The following NRXN1 variants were observed in gnomAD, a reference collection of about 807,000 sequenced individuals.
The protein encoded by NRXN1 is neurexin-1.
Under a neutral mutation model 150.9 loss-of-function variants are expected in NRXN1, and 39 were observed. That is an observed-to-expected ratio of 0.26 (90% CI 0.20 to 0.34). NRXN1 has a LOEUF of 0.34. NRXN1 is among the 10% of genes least tolerant of loss of function. NRXN1 has a pLI of 1.00. For missense variants in NRXN1, 1,815 were observed against 1,949.9 expected (o/e 0.93, Z 1.30); for synonymous variants, 924 against 757.0 (o/e 1.22, Z -3.62).
In NRXN1 at chr2:51,027,496, C is replaced by G. The variant is rs777461875; in HGVS notation, c.772+6G>C. Reference sequence around the variant, plus strand: ...CGGCCCCCGTGGGTCGGGCGTCGGGCCTTACCTTGGCTGCAGTCCTTGCCG... The same window carrying G: ...CGGCCCCCGTGGGTCGGGCGTCGGGGCTTACCTTGGCTGCAGTCCTTGCCG... On this transcript the variant is annotated splice_donor_region_variant and intron_variant, in intron 2 of 22. Transcript: ENST00000401669. 9 of 1,520,254 alleles carry G rather than the reference C, an allele frequency of 5.9e-6. No homozygotes were observed. The highest frequency in any genetic ancestry group is 1.9e-4 in the Middle Eastern group (1 of 5,348). 94.2% of individuals were successfully genotyped at this position (1,520,254 alleles called of 1,614,324 possible).
chr2:50,511,622 T>G (rs2092455427), intron 12 of NRXN1, among the ~76,000 whole-genome samples: 1 of 152,184 alleles, frequency 6.6e-6, no homozygotes, highest in African/African-American at 2.4e-5. Context: ...CAGTGTAAAT[T>G]GAGTGTTCTT....
chr2:50,225,978 T>A (rs1197393661), intron 18 of NRXN1, among the ~76,000 whole-genome samples: 1 of 152,000 alleles, frequency 6.6e-6, no homozygotes, highest in Non-Finnish European at 1.5e-5. Flanking sequence ...TTTGACTTCA[T>A]AAAACTTCAT....
At chr2:50,883,278 A>G (rs1679727983) in intron 5 of NRXN1, among the ~76,000 whole-genome samples, 1 of 151,758 alleles carries the variant, frequency 6.6e-6, no homozygotes, top group Non-Finnish European at 1.5e-5. Flanking sequence ...CATATAAGCT[A>G]ATTTTCTCTT....
chr2:50,267,542 A>C (rs553705715), intron 17 of NRXN1, among the ~76,000 whole-genome samples: 1 of 152,304 alleles, frequency 6.6e-6, no homozygotes, highest in Non-Finnish European at 1.5e-5. Flanking sequence ...AGAAGGATGA[A>C]GCTGCTTGCA....
chr2:50,907,122 C>T (rs1683815001), intron 5 of NRXN1, among the ~76,000 whole-genome samples: 2 of 151,410 alleles, frequency 1.3e-5, no homozygotes, highest in Admixed American at 1.3e-4. Flanking sequence ...TGAAGACTCT[C>T]ATTGCCCTAT....
intron 21 of NRXN1, among the ~76,000 whole-genome samples, chr2:49,964,816 G>A (rs1003460372): frequency 1.3e-5 from 2 of 152,092 alleles, no homozygotes; most frequent in African/African-American, 4.8e-5. Flanking sequence ...ACTCCAGCCT[G>A]GGCAACAAAA....
At chr2:50,069,288 A>T (rs1210716175) in intron 19 of NRXN1, among the ~76,000 whole-genome samples, 1 of 152,162 alleles carries the variant, frequency 6.6e-6, no homozygotes, top group Admixed American at 6.6e-5. Flanking sequence ...ACAGGAGTGG[A>T]TGCTGCTTGA....
intron 18 of NRXN1, among the ~76,000 whole-genome samples, chr2:50,153,311 T>C (rs560996342): frequency 4.0e-4 from 61 of 151,782 alleles, no homozygotes; most frequent in African/African-American, 1.4e-3. Flanking sequence ...TCTAGTAAGT[T>C]TGCCATCTGG....
chr2:50,944,507 C>T (rs1260717809), intron 2 of NRXN1, among the ~76,000 whole-genome samples: 1 of 152,166 alleles, frequency 6.6e-6, no homozygotes, highest in African/African-American at 2.4e-5. Flanking sequence ...CACCCAAATA[C>T]TTTCCTACTT....
chr2:50,456,867 C>T (rs966621919), intron 17 of NRXN1, among the ~76,000 whole-genome samples: 14 of 152,020 alleles, frequency 9.2e-5, no homozygotes, highest in Non-Finnish European at 1.8e-4. Flanking sequence ...CTTTCTGCCT[C>T]AACAACTGTA....
At chr2:50,729,023 G>T (rs1210154498) in intron 5 of NRXN1, among the ~76,000 whole-genome samples, 1 of 151,980 alleles carries the variant, frequency 6.6e-6, no homozygotes, top group Non-Finnish European at 1.5e-5. Context: ...TGCATCAAAA[G>T]AATAATATTA....
intron 18 of NRXN1, among the ~76,000 whole-genome samples, chr2:50,229,420 T>G (rs1253597669): frequency 1.3e-5 from 2 of 152,060 alleles, no homozygotes; most frequent in Non-Finnish European, 2.9e-5. Context: ...TTCTTAACCC[T>G]CAAGCAATGT....
At chr2:50,866,824 A>G (rs1373638585) in intron 5 of NRXN1, among the ~76,000 whole-genome samples, 1 of 151,938 alleles carries the variant, frequency 6.6e-6, no homozygotes, top group Non-Finnish European at 1.5e-5. Flanking sequence ...TTCCTTAAGG[A>G]AAAAACAAAA....
At chr2:50,564,022 T>C (rs1669499086) in intron 8 of NRXN1, among the ~76,000 whole-genome samples, 1 of 152,222 alleles carries the variant, frequency 6.6e-6, no homozygotes, top group East Asian at 1.9e-4. Flanking sequence ...GTTGTATAAG[T>C]TTGTTCTGTA....
chr2:50,935,747 T>C (rs1246373239), intron 2 of NRXN1, among the ~76,000 whole-genome samples: 4 of 150,070 alleles, frequency 2.7e-5, no homozygotes, highest in African/African-American at 9.8e-5. Context: ...GTAACCCGAA[T>C]ATGGAATGGT....
At chr2:50,065,704 A>G (rs756443228) in intron 19 of NRXN1, among the ~76,000 whole-genome samples, 2 of 152,172 alleles carry the variant, frequency 1.3e-5, no homozygotes, top group Non-Finnish European at 2.9e-5. Context: ...CCTTGTATGC[A>G]TAGCTACTGG....
chr2:50,828,100 C>T (rs960190403), intron 5 of NRXN1, among the ~76,000 whole-genome samples: 2 of 151,550 alleles, frequency 1.3e-5, no homozygotes, highest in African/African-American at 4.8e-5. Context: ...CATCATGGCC[C>T]GTTCTCAATG....
intron 18 of NRXN1, among the ~76,000 whole-genome samples, chr2:50,204,475 T>C (rs912264422): frequency 1.4e-4 from 21 of 152,046 alleles, no homozygotes; most frequent in African/African-American, 4.3e-4. Flanking sequence ...GCCTTCCAAG[T>C]TGTTTATTTC....
At chr2:50,314,767 G>A (rs2075456440) in intron 17 of NRXN1, among the ~76,000 whole-genome samples, 1 of 152,004 alleles carries the variant, frequency 6.6e-6, no homozygotes, top group Non-Finnish European at 1.5e-5. Context: ...GAATCATGAA[G>A]AGTAATGCCG....
Sources: gnomAD v4.1 joint callset for allele counts (sites outside exome capture counted in the v4.1 genomes callset) on GRCh38, gnomAD v4.1.1 for gene constraint, MANE v1.5 for transcripts, NCBI Gene and HGNC (gene_info 2026-07-23, HGNC 2026-07-21) for gene names.